The following ADCY3 variants were observed in gnomAD, a reference collection of about 807,000 sequenced individuals.
ADCY3 encodes adenylate cyclase 3, also known as adenylate cyclase type 3.
In ADCY3, 70 loss-of-function variants were observed where a neutral mutation model predicts 119.4. That is an observed-to-expected ratio of 0.59 (90% CI 0.48 to 0.72). ADCY3 has a LOEUF of 0.72. Ranked by LOEUF, ADCY3 falls within the 30% of genes least tolerant of loss-of-function variation. The pLI, the probability that ADCY3 is intolerant of heterozygous loss-of-function variation, is 0.00. For synonymous variants in ADCY3, 672 were observed against 621.4 expected, an observed-to-expected ratio of 1.08 and a Z score of -1.21; for missense variants, 1,238 against 1,541.6, an observed-to-expected ratio of 0.80 and a Z score of 3.30.
intron 9 of ADCY3, among the ~76,000 whole-genome samples, 166 bp from the exon 10 acceptor site, chr2:24,835,102 C>T (rs146602822): frequency 9.0e-5 from 13 of 144,262 alleles, no homozygotes; most frequent in African/African-American, 3.1e-4. Flanking sequence ...CATGCTCCCA[C>T]GTGGCTCCAT....
At chr2:24,836,789 G>T in intron 9 of ADCY3, 128 bp downstream of exon 9, 2 of 1,376,848 alleles carry the variant, frequency 1.5e-6, no homozygotes, top group Non-Finnish European at 1.9e-6. Context: ...ACAGTGCTAA[G>T]CAGGAGCAGG....
chr2:24,823,785 G>T (rs1012479974), intron 17 of ADCY3, among the ~76,000 whole-genome samples: 1 of 150,500 alleles, frequency 6.6e-6, no homozygotes, highest in African/African-American at 2.4e-5. Context: ...TCCACCTCCC[G>T]GGTTCAAGTG....
At chr2:24,870,725 G>C (rs1674887294) in intron 3 of ADCY3, among the ~76,000 whole-genome samples, 1 of 152,312 alleles carries the variant, frequency 6.6e-6, no homozygotes, top group Admixed American at 6.5e-5. Context: ...CACTGACCCT[G>C]CCCAGAGGAA....
chr2:24,828,279 T>TA, intron 13 of ADCY3, 118 bp from the exon 14 acceptor site: 1 of 1,259,988 alleles, frequency 7.9e-7, no homozygotes, highest in Middle Eastern at 2.8e-4. Flanking sequence ...CCCCCAGAAA[T>TA]ACCGGGAAAG....
chr2:24,907,423 C>A (rs1433969016), intron 2 of ADCY3, among the ~76,000 whole-genome samples: 1 of 152,160 alleles, frequency 6.6e-6, no homozygotes, highest in Non-Finnish European at 1.5e-5. Flanking sequence ...TAGATTTCTT[C>A]TGAAACAAGT....
intron 21 of ADCY3, chr2:24,820,391 C>T (rs1667422986): frequency 2.3e-6 from 3 of 1,311,402 alleles, no homozygotes; most frequent in African/African-American, 1.5e-5. Flanking sequence ...TACCTGGAAA[C>T]TGCCACTGCC....
At chr2:24,895,157 C>T (rs1438807933) in intron 2 of ADCY3, among the ~76,000 whole-genome samples, 1 of 152,044 alleles carries the variant, frequency 6.6e-6, no homozygotes, top group Non-Finnish European at 1.5e-5. Flanking sequence ...GTGGTGCAAT[C>T]TCGGCTCACT....
intron 2 of ADCY3, among the ~76,000 whole-genome samples, chr2:24,894,325 G>A (rs895683568): frequency 2.0e-5 from 3 of 151,978 alleles, no homozygotes; most frequent in Admixed American, 6.6e-5. Flanking sequence ...TCTACAAAAA[G>A]TTAGCCAGAC....
rs766346832 is a variant in ADCY3 at position 24,918,664 on chromosome 2, G to C, written c.324C>G (p.Leu108=). The C allele has an allele frequency of 6.2e-7, 1 of 1,614,124 alleles. No homozygotes were observed. Among genetic ancestry groups the C allele is most frequent in the Non-Finnish European group, 8.5e-7 (1 of 1,180,020 alleles). The change falls in exon 2 of 22, where the codon CTC becomes CTG. Residue 108 remains leucine, a synonymous_variant. Transcript: ENST00000679454. The surrounding 1 kb of genome is among the most constrained non-coding windows in gnomAD (Gnocchi z 5.4). The part of the protein sequence containing the change: ...VVFSSDKLAS[L]AVAGIGLVLD... ...ACACCAGTCCAATTCCAGCCACGGC[G>C]AGGGAAGCCAGCTTGTCGCTGGAGA...
At chr2:24,902,034 C>CTGTGTGTGTGTG (rs57980321) in intron 2 of ADCY3, among the ~76,000 whole-genome samples, 12 of 122,330 alleles carry the variant, frequency 9.8e-5, no homozygotes, top group Admixed American at 2.7e-4. Flanking sequence ...CATTTTAACT[C>CTGTGTGTGTGTG]TGTGTGTGTG....
At chr2:24,853,070 G>A (rs1007607401) in intron 3 of ADCY3, among the ~76,000 whole-genome samples, 1 of 141,468 alleles carries the variant, frequency 7.1e-6, no homozygotes, top group Non-Finnish European at 1.5e-5. Context: ...GTGTGTGTAG[G>A]GGTGTTATTT....
At chr2:24,903,741 G>T (rs1679168221) in intron 2 of ADCY3, among the ~76,000 whole-genome samples, 1 of 152,172 alleles carries the variant, frequency 6.6e-6, no homozygotes, top group Admixed American at 6.5e-5. Context: ...ACCATGGCAG[G>T]GCTCCAGCAC....
chr2:24,886,430 A>G lies in ADCY3; in HGVS notation c.676-13711T>C, dbSNP rs543283462. The stretch of plus-strand genomic sequence containing the variant: ...GCCCACCTGAGCCTCCTTGCGCTAC[A>G]TCATGTTTAGCAAACACGCCTCACC... On this transcript the variant is annotated intron_variant, in intron 2 of 21. Transcript: ENST00000679454. Among the ~76,000 whole-genome samples the G allele has an allele frequency of 3.7e-4, 56 of 152,204 alleles. No individual in the cohort carries two copies. In the South Asian group the frequency reaches 4.6e-3, roughly 12 times the overall value.
intron 3 of ADCY3, among the ~76,000 whole-genome samples, chr2:24,860,319 G>C (rs903558826): frequency 3.3e-5 from 5 of 152,190 alleles, no homozygotes; most frequent in African/African-American, 1.2e-4. Context: ...CTGTCCTCTG[G>C]GCCTCCTGCT....
At chr2:24,892,310 G>A (rs973730570) in intron 2 of ADCY3, among the ~76,000 whole-genome samples, 2 of 150,620 alleles carry the variant, frequency 1.3e-5, no homozygotes, top group Non-Finnish European at 1.5e-5. Context: ...GTGCAGTGGC[G>A]CGATCTCGGC....
chr2:24,823,407 A>G (rs1451887833), intron 17 of ADCY3, 52 bp from the exon 18 acceptor site: 1 of 1,583,796 alleles, frequency 6.3e-7, no homozygotes, highest in Non-Finnish European at 8.6e-7. Flanking sequence ...TGACTGGATG[A>G]TGTGTTGGAG....
At chr2:24,863,862 G>C (rs1673976605) in intron 3 of ADCY3, among the ~76,000 whole-genome samples, 1 of 152,212 alleles carries the variant, frequency 6.6e-6, no homozygotes. Context: ...GTTCCCTGGG[G>C]CTGGGGTTTT....
chr2:24,824,715 CCT>C (rs1347817279), intron 16 of ADCY3, among the ~76,000 whole-genome samples, 179 bp from the exon 17 acceptor site: 1 of 152,094 alleles, frequency 6.6e-6, no homozygotes, highest in African/African-American at 2.4e-5. Context: ...ATGGTGAAAC[CCT>C]GTCTCTACTA....
chr2:24,832,602 T>C (rs1354465240), intron 11 of ADCY3, among the ~76,000 whole-genome samples: 1 of 152,180 alleles, frequency 6.6e-6, no homozygotes, highest in African/African-American at 2.4e-5. Context: ...TGTCCCATTT[T>C]CAGTCACCTC....
Sources: allele counts gnomAD v4.1 joint callset (sites outside exome capture counted in the v4.1 genomes callset), GRCh38; gene constraint gnomAD v4.1.1; non-coding constraint Gnocchi (gnomAD v3.1); transcripts MANE v1.5; gene names NCBI Gene and HGNC (gene_info 2026-07-23, HGNC 2026-07-21).